The following PPP1R2 variants were observed in gnomAD, a reference collection of about 807,000 sequenced individuals.
The protein encoded by PPP1R2 is protein phosphatase inhibitor 2.
PPP1R2 carries 16 observed loss-of-function variants against 29.9 expected under a neutral mutation model. The ratio of observed to expected loss-of-function variants is 0.53; its 90% CI spans 0.36 to 0.81. The LOEUF is 0.81. Ranked by LOEUF, PPP1R2 falls within the 30% of genes least tolerant of loss-of-function variation. PPP1R2 has a pLI of 0.00. For missense variants in PPP1R2, 197 were observed against 252.7 expected (o/e 0.78, Z 1.49); for synonymous variants, 76 against 91.5 (o/e 0.83, Z 0.96).
chr3:195,532,119 C>G (rs1719202263), intron 1 of PPP1R2, among the ~76,000 whole-genome samples: 1 of 152,032 alleles, frequency 6.6e-6, no homozygotes, highest in African/African-American at 2.4e-5. Context: ...CAGTCTCGAA[C>G]TCCTGGACTC....
intron 1 of PPP1R2, among the ~76,000 whole-genome samples, chr3:195,536,662 C>T (rs1375886960): frequency 6.6e-6 from 1 of 151,904 alleles, no homozygotes; most frequent in Non-Finnish European, 1.5e-5. Flanking sequence ...GTGGCGCATG[C>T]CTGTAATCCC....
rs2108933249 is a variant in PPP1R2 at position 195,514,760 on chromosome 3, G to A, written c.*2136C>T. The stretch of plus-strand genomic sequence containing the variant: ...CTTGAATCATAATGGTTCATATTTT[G>A]ACTAGTTCATACCCTATCAATTACC... On this transcript the variant is annotated 3_prime_UTR_variant, in exon 6 of 6. Transcript: ENST00000618156. 6.6e-6 allele frequency: 1 copy of A among 152,408 alleles called. No homozygotes were observed. The highest frequency in any genetic ancestry group is 1.9e-4 in the East Asian group (1 of 5,184). 9.4% of individuals were successfully genotyped at this position (152,408 alleles called of 1,614,324 possible).
rs1028548575 is a variant in PPP1R2, at chr3:195,542,754, G to A, written c.122+150C>T. ...AACGTCATCGCCCAGCCTTCTTAAA[G>A]ATCGCTCCCACCCGCGGCTAGCCGG... On this transcript the variant is annotated intron_variant, in intron 1 of 5. Coordinates refer to ENST00000618156, the MANE Select transcript of PPP1R2 (RefSeq NM_006241.8). 8.0e-6 allele frequency: 7 copies of A among 877,338 alleles called. No homozygotes were observed. The African/African-American group carries it at 1.1e-4, about 13-fold the overall frequency. 54.3% of individuals were successfully genotyped at this position (877,338 alleles called of 1,614,324 possible).
chr3:195,537,707 T>G (rs1159298483), intron 1 of PPP1R2, among the ~76,000 whole-genome samples: 1 of 152,164 alleles, frequency 6.6e-6, no homozygotes, highest in Non-Finnish European at 1.5e-5. Flanking sequence ...TTTAGTTTAC[T>G]TTCTTCTGTA....
intron 1 of PPP1R2, among the ~76,000 whole-genome samples, chr3:195,537,520 T>TGTGTGTGTGTG (rs1719441468): frequency 4.6e-5 from 7 of 151,146 alleles, no homozygotes; most frequent in Non-Finnish European, 5.9e-5. Flanking sequence ...TGTGTGTGTG[T>TGTGTGTGTGTG]TTCCATTTCA....
At chr3:195,520,948 T>C (rs1718734551) in intron 4 of PPP1R2, among the ~76,000 whole-genome samples, 1 of 152,098 alleles carries the variant, frequency 6.6e-6, no homozygotes, top group South Asian at 2.1e-4. Flanking sequence ...GGATTACAGG[T>C]GTAAGACACC....
chr3:195,525,723 A>G (rs551338019), intron 2 of PPP1R2, among the ~76,000 whole-genome samples: 3 of 152,314 alleles, frequency 2.0e-5, no homozygotes, highest in Non-Finnish European at 2.9e-5. Flanking sequence ...CCCCACTTCA[A>G]TGCAAAAATG....
chr3:195,530,629 G>A (rs978187460), intron 1 of PPP1R2, among the ~76,000 whole-genome samples: 16 of 150,752 alleles, frequency 1.1e-4, no homozygotes, highest in African/African-American at 2.4e-4. Context: ...CTGTTCATGC[G>A]CTTCCCCTGT....
At chr3:195,527,711 T>C (rs930215527) in intron 2 of PPP1R2, 1 of 166,472 alleles carries the variant, frequency 6.0e-6, no homozygotes, top group Non-Finnish European at 1.3e-5. Context: ...GGTTTTAATA[T>C]ACATTTTAGA....
chr3:195,526,842 C>T lies in PPP1R2; in HGVS notation c.231-1946G>A, dbSNP rs750767592. Among the ~76,000 whole-genome samples the T allele has an allele frequency of 5.3e-5, 8 of 152,192 alleles. No homozygotes were observed. In the South Asian group the frequency reaches 8.3e-4, roughly 16 times the overall value. ...GGTTGCCCAGGCTGGAGTGCAATGG[C>T]GCGATCTCAGCTCACTGCAACCTCT... On this transcript the variant is annotated intron_variant, in intron 2 of 5. Transcript: ENST00000618156.
chr3:195,523,920 A>C, intron 3 of PPP1R2, 134 bp from the exon 4 acceptor site: 4 of 798,322 alleles, frequency 5.0e-6, no homozygotes, highest in Non-Finnish European at 8.2e-6. Flanking sequence ...GAGGAAAATA[A>C]AAGGCAAGAG....
intron 1 of PPP1R2, among the ~76,000 whole-genome samples, chr3:195,536,520 A>T (rs1213119160): frequency 1.3e-5 from 2 of 152,054 alleles, no homozygotes; most frequent in African/African-American, 4.8e-5. Context: ...TTCCTAAGTG[A>T]TGTTAACAAT....
chr3:195,542,899 C>T lies in PPP1R2; in HGVS notation c.122+5G>A, dbSNP rs1328555964. On this transcript the variant is annotated splice_donor_5th_base_variant and intron_variant, in intron 1 of 5. Transcript: ENST00000618156. ...GGCTCCCAGGCCGTCCCTCCCAGCG[C>T]TCACCTCAGCTCCTCGTCGACATTC... 6.3e-7 allele frequency: 1 copy of T among 1,598,452 alleles called. No individual in the cohort carries two copies. The highest frequency in any genetic ancestry group is 8.5e-7 in the Non-Finnish European group (1 of 1,172,798).
intron 3 of PPP1R2, among the ~76,000 whole-genome samples, chr3:195,524,549 G>T (rs1333522187): frequency 6.6e-6 from 1 of 152,078 alleles, no homozygotes; most frequent in African/African-American, 2.4e-5. Context: ...ACCCCCCACA[G>T]GGAAGTGACA....
chr3:195,533,328 G>A (rs750862228), intron 1 of PPP1R2, among the ~76,000 whole-genome samples: 1 of 148,064 alleles, frequency 6.8e-6, no homozygotes, highest in African/African-American at 2.5e-5. Context: ...CTGGGCAACA[G>A]AGTAAGACTC....
At chr3:195,532,677 C>T (rs1165956777) in intron 1 of PPP1R2, among the ~76,000 whole-genome samples, 4 of 152,042 alleles carry the variant, frequency 2.6e-5, no homozygotes, top group Non-Finnish European at 5.9e-5. Context: ...TGAGTTTGAA[C>T]TGTGTGGGTC....
At chr3:195,523,824 GT>G in intron 3 of PPP1R2, 38 bp from the exon 4 acceptor site, 1 of 1,535,200 alleles carries the variant, frequency 6.5e-7, no homozygotes, top group Non-Finnish European at 9.0e-7. Flanking sequence ...TAACAGTGAT[GT>G]TTTGATATTA....
chr3:195,543,203 G>T lies in PPP1R2; in HGVS notation c.-178C>A. 1 of 826,526 alleles carries T rather than the reference G, an allele frequency of 1.2e-6. No homozygotes were observed. Among genetic ancestry groups the T allele is most frequent in the Non-Finnish European group, 1.8e-6 (1 of 567,116 alleles). The allele number at this position is 826,526 out of a possible 1,614,324, so 51.2% of individuals were successfully genotyped here. A position where few individuals can be genotyped will look rare whatever the true frequency, so the allele number is the denominator to read the frequency against. On this transcript the variant is annotated 5_prime_UTR_variant, in exon 1 of 6. Coordinates refer to ENST00000618156, the MANE Select transcript of PPP1R2 (RefSeq NM_006241.8). The stretch of plus-strand genomic sequence containing the variant: ...GTTGTCACGACACAACGACCCCGAC[G>T]CCAGAGCCAACGCCGAACGGGTGGC...
chr3:195,529,778 G>A lies in PPP1R2; in HGVS notation c.230+16C>T, dbSNP rs374655356. The A allele has an allele frequency of 8.0e-6, 12 of 1,505,382 alleles. No individual in the cohort carries two copies. The highest frequency in any genetic ancestry group is 9.0e-6 in the Non-Finnish European group (10 of 1,105,334). 93.3% of individuals were successfully genotyped at this position (1,505,382 alleles called of 1,614,324 possible). A position where few individuals can be genotyped will look rare whatever the true frequency, so the allele number is the denominator to read the frequency against. On this transcript the variant is annotated intron_variant, in intron 2 of 5. Transcript: ENST00000618156. Reference sequence around the variant, plus strand: ...GGAAGTAAGTCACAAGAGGAATGACGTCTACGTAACATTACCTATGGTAAG... The same window carrying A: ...GGAAGTAAGTCACAAGAGGAATGACATCTACGTAACATTACCTATGGTAAG...
Sources: allele counts gnomAD v4.1 joint callset (sites outside exome capture counted in the v4.1 genomes callset), GRCh38; gene constraint gnomAD v4.1.1; transcripts MANE v1.5; gene names NCBI Gene and HGNC (gene_info 2026-07-23, HGNC 2026-07-21).